Variants in LURAP1L observed in about 807,000 individuals in gnomAD.
LURAP1L encodes leucine rich adaptor protein 1-like.
Under a neutral mutation model 13.8 loss-of-function variants are expected in LURAP1L, and 12 were observed. That is an observed-to-expected ratio of 0.87 (90% CI 0.56 to 1.41). The LOEUF (loss-of-function observed/expected upper bound fraction) is 1.41. LURAP1L is among the 40% of genes most tolerant of loss of function. The pLI is 0.00. For missense variants in LURAP1L, 375 were observed against 292.9 expected (o/e 1.28, Z -2.04); for synonymous variants, 139 against 119.2 (o/e 1.17, Z -1.08).
chr9:12,782,576 C>G (rs1819287962), intron 1 of LURAP1L, among the ~76,000 whole-genome samples: 1 of 152,038 alleles, frequency 6.6e-6, no homozygotes, highest in Non-Finnish European at 1.5e-5. Flanking sequence ...GTCAGTTCTC[C>G]ATTTTGTTCC....
chr9:12,786,544 T>TATATA (rs1563888278), intron 1 of LURAP1L, among the ~76,000 whole-genome samples: 2 of 19,282 alleles, frequency 1.0e-4, no homozygotes, highest in African/African-American at 6.2e-4. Flanking sequence ...TGTATATATA[T>TATATA]GACATATATA....
intron 1 of LURAP1L, among the ~76,000 whole-genome samples, chr9:12,786,583 A>AT (rs1384664118): frequency 1.0e-4 from 2 of 19,854 alleles, no homozygotes; most frequent in South Asian, 2.4e-3. Flanking sequence ...TATATATATA[A>AT]ACCCTTGTGC....
At chr9:12,787,779 G>A (rs556622440) in intron 1 of LURAP1L, among the ~76,000 whole-genome samples, 56 of 152,124 alleles carry the variant, frequency 3.7e-4, no homozygotes, top group Non-Finnish European at 6.8e-4. Flanking sequence ...AAAGTCATAC[G>A]TTCATAATTT....
intron 1 of LURAP1L, among the ~76,000 whole-genome samples, chr9:12,795,355 G>C (rs1053535088): frequency 4.6e-5 from 7 of 151,932 alleles, no homozygotes; most frequent in Non-Finnish European, 5.9e-5. Flanking sequence ...ATGTTTAGCC[G>C]AGTGTAAGAG....
At chr9:12,799,996 A>G (rs1193918318) in intron 1 of LURAP1L, among the ~76,000 whole-genome samples, 1 of 152,168 alleles carries the variant, frequency 6.6e-6, no homozygotes, top group Non-Finnish European at 1.5e-5. Flanking sequence ...ATTAACATAT[A>G]TATTATCTCA....
At chr9:12,802,779 C>G (rs1043331522) in intron 1 of LURAP1L, among the ~76,000 whole-genome samples, 1 of 152,160 alleles carries the variant, frequency 6.6e-6, no homozygotes, top group African/African-American at 2.4e-5. Context: ...TATCTTTGCT[C>G]AATATTCCAG....
chr9:12,811,848 C>G (rs745552223), intron 1 of LURAP1L, among the ~76,000 whole-genome samples: 1 of 152,162 alleles, frequency 6.6e-6, no homozygotes, highest in Admixed American at 6.5e-5. Context: ...GCCCCTGGAT[C>G]GGGGTCTCTC....
At chr9:12,812,649 A>T (rs1346365400) in intron 1 of LURAP1L, among the ~76,000 whole-genome samples, 1 of 152,326 alleles carries the variant, frequency 6.6e-6, no homozygotes, top group Admixed American at 6.5e-5. Flanking sequence ...TCAAGAAATT[A>T]CTAAAAGAGA....
Position 12,821,504 on chromosome 9 carries a change from G to C in LURAP1L, c.431G>C (p.Ser144Thr). 1 of 1,614,188 alleles carries C rather than the reference G, an allele frequency of 6.2e-7. No individual in the cohort carries two copies. The highest frequency in any genetic ancestry group is 8.5e-7 in the Non-Finnish European group (1 of 1,180,042). The change falls in exon 2 of 2, where the codon AGC (serine) becomes ACC (threonine). Residue 144 changes from serine (S) to threonine (T), a missense_variant. Physicochemically the swap from Ser to Thr is moderately conservative, Grantham distance 58 (BLOSUM62 1). Transcript: ENST00000319264. ...EKATITSRGSSLSGSLCSLLE... is the reference protein window; with the variant it reads ...EKATITSRGSTLSGSLCSLLE... ...GCCACCATTACCAGCAGAGGCAGCA[G>C]CCTCAGTGGCAGCCTGTGCAGTTTG... is the stretch of plus-strand genomic sequence containing the variant.
chr9:12,807,649 T>G (rs1819677904), intron 1 of LURAP1L, among the ~76,000 whole-genome samples: 1 of 152,198 alleles, frequency 6.6e-6, no homozygotes, highest in African/African-American at 2.4e-5. Flanking sequence ...GTCTTTTAAT[T>G]GATGTATTTA....
At chr9:12,793,890 T>C (rs1204138510) in intron 1 of LURAP1L, among the ~76,000 whole-genome samples, 1 of 152,120 alleles carries the variant, frequency 6.6e-6, no homozygotes, top group East Asian at 1.9e-4. Context: ...AATATGGTCA[T>C]TAGTAGTCAA....
intron 1 of LURAP1L, among the ~76,000 whole-genome samples, chr9:12,785,500 T>C (rs1049552048): frequency 3.3e-5 from 5 of 152,188 alleles, no homozygotes; most frequent in African/African-American, 1.2e-4. Context: ...CAGAGCACTT[T>C]AGCCTGCAGT....
chr9:12,791,292 C>T (rs999117102), intron 1 of LURAP1L, among the ~76,000 whole-genome samples: 3 of 152,092 alleles, frequency 2.0e-5, no homozygotes, highest in Non-Finnish European at 4.4e-5. Context: ...AAAATGGCTA[C>T]CACATATTCT....
At chr9:12,813,771 A>G (rs1819769029) in intron 1 of LURAP1L, among the ~76,000 whole-genome samples, 1 of 152,210 alleles carries the variant, frequency 6.6e-6, no homozygotes, top group African/African-American at 2.4e-5. Flanking sequence ...GCTGAAACAA[A>G]TTTCAGTTTA....
chr9:12,780,806 A>C (rs1361915973), intron 1 of LURAP1L, among the ~76,000 whole-genome samples: 1 of 152,104 alleles, frequency 6.6e-6, no homozygotes, highest in Non-Finnish European at 1.5e-5. Context: ...AAATTGTATA[A>C]ATAAGAAGAA....
intron 1 of LURAP1L, among the ~76,000 whole-genome samples, chr9:12,786,701 A>G (rs996902894): frequency 6.6e-6 from 1 of 151,130 alleles, no homozygotes; most frequent in African/African-American, 2.4e-5. Flanking sequence ...CTGTTCTTAG[A>G]GATCAGACAT....
At chr9:12,786,797 T>G (rs1195147740) in intron 1 of LURAP1L, among the ~76,000 whole-genome samples, 1 of 151,630 alleles carries the variant, frequency 6.6e-6, no homozygotes, top group East Asian at 1.9e-4. Flanking sequence ...ACTAGAACTA[T>G]AATATATAAC....
rs1174231255 is a variant in LURAP1L at position 12,805,269 on chromosome 9, A to G, written c.313-16117A>G. On this transcript the variant is annotated intron_variant, in intron 1 of 1. Transcript: ENST00000319264. ...AGAATTCTGGGACTATTAAATTTGT[A>G]CAAGTATTTAATAGACTCTAATATT... Among the ~76,000 whole-genome samples, 3 of 152,140 alleles carry G rather than the reference A, an allele frequency of 2.0e-5. No individual in the cohort carries two copies. In the East Asian group the frequency reaches 5.8e-4, roughly 29 times the overall value.
At chr9:12,788,189 A>AAG (rs796644555) in intron 1 of LURAP1L, among the ~76,000 whole-genome samples, 262 of 140,942 alleles carry the variant, frequency 1.9e-3, no homozygotes, top group African/African-American at 5.8e-3. Context: ...GAAAGAAAGA[A>AAG]AGAAAAGAAA....
Sources: allele counts gnomAD v4.1 joint callset (sites outside exome capture counted in the v4.1 genomes callset), GRCh38; gene constraint gnomAD v4.1.1; transcripts MANE v1.5; gene names NCBI Gene and HGNC (gene_info 2026-07-23, HGNC 2026-07-21).